The following DDX60 variants were observed in gnomAD, a reference collection of about 807,000 sequenced individuals.
DDX60 encodes DExD/H-box helicase 60, also known as probable ATP-dependent RNA helicase DDX60.
A neutral mutation model predicts 212.8 loss-of-function variants in DDX60; 165 were observed. The ratio of observed to expected loss-of-function variants is 0.78; its 90% CI spans 0.68 to 0.88. The LOEUF is 0.88. DDX60 is among the 40% of genes least tolerant of loss of function. The pLI is 0.00. For missense variants in DDX60, 1,905 were observed against 2,003.9 expected (o/e 0.95, Z 0.94); for synonymous variants, 703 against 685.3 (o/e 1.03, Z -0.40).
At chr4:168,294,728 A>G (rs1407498078) in intron 6 of DDX60, among the ~76,000 whole-genome samples, 1 of 151,840 alleles carries the variant, frequency 6.6e-6, no homozygotes, top group Non-Finnish European at 1.5e-5. Context: ...TCTCAAACTA[A>G]TCACCTCAAA....
rs556536240 is a variant in DDX60, at chr4:168,260,021, A to C, written c.3398+844T>G. ...GTAGAAAGAAAACAAAAAATAGAGT[A>C]GCAAACTAAATAAAGAAGGTAATTC... On this transcript the variant is annotated intron_variant, in intron 25 of 37. Coordinates refer to ENST00000393743, the MANE Select transcript of DDX60 (RefSeq NM_017631.6). Among the ~76,000 whole-genome samples the C allele has an allele frequency of 1.5e-4, 23 of 152,328 alleles. No homozygotes were observed. In the South Asian group the frequency reaches 4.6e-3, roughly 30 times the overall value.
At chr4:168,234,652 T>C (rs1733569635) in intron 33 of DDX60, among the ~76,000 whole-genome samples, 1 of 152,128 alleles carries the variant, frequency 6.6e-6, no homozygotes, top group African/African-American at 2.4e-5. Flanking sequence ...GGATGATTTA[T>C]GGATCTACAA....
intron 33 of DDX60, among the ~76,000 whole-genome samples, chr4:168,227,108 A>C (rs1297024312): frequency 6.6e-6 from 1 of 152,112 alleles, no homozygotes; most frequent in Non-Finnish European, 1.5e-5. Flanking sequence ...TAAGATATAC[A>C]AACTGGTGTT....
intron 22 of DDX60, among the ~76,000 whole-genome samples, chr4:168,265,829 G>GAGGGAAGGA (rs1734816185): frequency 7.7e-6 from 1 of 130,364 alleles, no homozygotes; most frequent in Non-Finnish European, 1.6e-5. Context: ...AGGAGGGAAG[G>GAGGGAAGGA]AGGGAAGGAA....
intron 14 of DDX60, among the ~76,000 whole-genome samples, chr4:168,277,135 C>T (rs1305971817): frequency 6.6e-6 from 1 of 152,190 alleles, no homozygotes; most frequent in Non-Finnish European, 1.5e-5. Context: ...TTGATGTGAT[C>T]CTATTTCACC....
At chr4:168,264,344 A>C (rs1252084814) in intron 22 of DDX60, among the ~76,000 whole-genome samples, 2 of 152,204 alleles carry the variant, frequency 1.3e-5, no homozygotes, top group African/African-American at 4.8e-5. Flanking sequence ...TGGAGTACTG[A>C]AAGATAGCTA....
At chr4:168,305,805 TTAA>T (rs1488652966) in intron 5 of DDX60, among the ~76,000 whole-genome samples, 5 of 152,082 alleles carry the variant, frequency 3.3e-5, no homozygotes, top group African/African-American at 7.2e-5. Context: ...TATTGATTAC[TTAA>T]TAATAAGAAA....
chr4:168,285,372 G>A, intron 11 of DDX60, 21 bp downstream of exon 11: 1 of 1,389,650 alleles, frequency 7.2e-7, no homozygotes, highest in Non-Finnish European at 1.0e-6. Context: ...ATTTATTGAG[G>A]CACAGTTTTT....
At position 168,283,588 on chromosome 4, in the gene DDX60, C is replaced by G. The variant is rs746413166; in HGVS notation, c.1580G>C (p.Arg527Pro). The change falls in exon 13 of 38, where the codon CGT (arginine) becomes CCT (proline). Residue 527 changes from arginine to proline, a missense_variant. Transcript: ENST00000393743. ...CQFDEKSRDP[R>P]VLRSVQKYHV... ...ATACTTTTGCACAGATCTAAGAACA[C>G]GAGGGTCTCTAGATTTTTCTGAAAA... 1 of 1,601,684 alleles carries G rather than the reference C, an allele frequency of 6.2e-7. No homozygotes were observed. The highest frequency in any genetic ancestry group is 8.5e-7 in the Non-Finnish European group (1 of 1,175,392).
At chr4:168,261,748 T>A (rs535769787) in intron 24 of DDX60, among the ~76,000 whole-genome samples, 66 of 152,338 alleles carry the variant, frequency 4.3e-4, no homozygotes, top group Non-Finnish European at 6.8e-4. Context: ...GAACCTTCTG[T>A]TCTTATCTGC....
At chr4:168,245,962 C>T (rs1734006264) in intron 30 of DDX60, among the ~76,000 whole-genome samples, 1 of 152,100 alleles carries the variant, frequency 6.6e-6, no homozygotes, top group African/African-American at 2.4e-5. Context: ...AACAGGGGCA[C>T]TTTTTCCTTA....
At chr4:168,238,412 G>A (rs1295566718) in intron 30 of DDX60, among the ~76,000 whole-genome samples, 1 of 115,324 alleles carries the variant, frequency 8.7e-6, no homozygotes, top group Non-Finnish European at 1.8e-5. Context: ...GGGGAGGGGA[G>A]GAGAGGGGAG....
chr4:168,278,662 C>G lies in DDX60; in HGVS notation c.1978+1673G>C, dbSNP rs892523773. Reference sequence around the variant, plus strand: ...ATGCCAACATGGTGAAATCCCATCTCTAGTAAAAATACAAAAATTAGCTGG... The same window carrying G: ...ATGCCAACATGGTGAAATCCCATCTGTAGTAAAAATACAAAAATTAGCTGG... On this transcript the variant is annotated intron_variant, in intron 14 of 37. Coordinates refer to ENST00000393743, the MANE Select transcript of DDX60 (RefSeq NM_017631.6). Among the ~76,000 whole-genome samples, 3 of 152,252 alleles carry G rather than the reference C, an allele frequency of 2.0e-5. No homozygotes were observed. In the South Asian group the frequency reaches 6.2e-4, roughly 32 times the overall value.
intron 33 of DDX60, among the ~76,000 whole-genome samples, chr4:168,235,082 G>C (rs1733585395): frequency 6.6e-6 from 1 of 151,968 alleles, no homozygotes; most frequent in African/African-American, 2.4e-5. Flanking sequence ...TGTCTTGAGG[G>C]GGATACAAGC....
intron 4 of DDX60, among the ~76,000 whole-genome samples, chr4:168,307,667 T>G (rs561114885): frequency 6.6e-6 from 1 of 152,254 alleles, no homozygotes; most frequent in East Asian, 1.9e-4. Context: ...TGGGCTCATA[T>G]AAATTGCCTG....
chr4:168,323,979 T>C, the DDX60 span, among the ~76,000 whole-genome samples: 41 of 152,242 alleles, frequency 2.7e-4, no homozygotes, highest in African/African-American at 9.2e-4. Context: ...ATTAAATCTA[T>C]GAACTCCCAT....
intron 7 of DDX60, among the ~76,000 whole-genome samples, 185 bp downstream of exon 7, chr4:168,293,602 A>G (rs1367862516): frequency 6.6e-6 from 1 of 152,230 alleles, no homozygotes; most frequent in African/African-American, 2.4e-5. Context: ...ATAGTAAAAC[A>G]TTAAATCATT....
Position 168,216,728 on chromosome 4 carries a change from C to A in DDX60, c.*205G>T. 1 of 423,350 alleles carries A rather than the reference C, an allele frequency of 2.4e-6. No homozygotes were observed. Among genetic ancestry groups the A allele is most frequent in the Non-Finnish European group, 4.1e-6 (1 of 241,646 alleles). The allele number at this position is 423,350 out of a possible 1,614,324, so 26.2% of individuals were successfully genotyped here. A position where few individuals can be genotyped will look rare whatever the true frequency, so the allele number is the denominator to read the frequency against. ...AAAAAGAAACCAAGATTCAGGTATA[C>A]TAAATAATTTGTGAGTATTCATGAC... is the stretch of plus-strand genomic sequence containing the variant. On this transcript the variant is annotated 3_prime_UTR_variant, in exon 38 of 38. Coordinates refer to ENST00000393743, the MANE Select transcript of DDX60 (RefSeq NM_017631.6).
At chr4:168,325,949 T>C in the DDX60 span, among the ~76,000 whole-genome samples, 1 of 152,232 alleles carries the variant, frequency 6.6e-6, no homozygotes, top group Admixed American at 6.5e-5. Flanking sequence ...GCTTCTGAAA[T>C]TGTCCCACAG....
Sources: gnomAD v4.1 joint callset for allele counts (sites outside exome capture counted in the v4.1 genomes callset) on GRCh38, gnomAD v4.1.1 for gene constraint, MANE v1.5 for transcripts, NCBI Gene and HGNC (gene_info 2026-07-23, HGNC 2026-07-21) for gene names.